The following BEND5 variants were observed in gnomAD, a reference collection of about 807,000 sequenced individuals.
BEND5 encodes the protein BEN domain-containing protein 5.
In BEND5, 22 loss-of-function variants were observed where a neutral mutation model predicts 43.9. The observed-to-expected ratio is 0.50, with a 90% CI of 0.36 to 0.72. The LOEUF (loss-of-function observed/expected upper bound fraction) is 0.72. BEND5 is among the 30% of genes least tolerant of loss of function. BEND5 has a pLI of 0.00. For synonymous variants in BEND5, 228 were observed against 225.9 expected (o/e 1.01, Z -0.08); for missense variants, 428 against 550.6 (o/e 0.78, Z 2.23).
chr1:48,737,736 G>GA (rs890335447), intron 4 of BEND5, among the ~76,000 whole-genome samples: 1 of 151,908 alleles, frequency 6.6e-6, no homozygotes, highest in Non-Finnish European at 1.5e-5. Flanking sequence ...ATCTAAAAAA[G>GA]AAAAAAGAGT....
chr1:48,752,907 G>T (rs1056957600), intron 3 of BEND5, among the ~76,000 whole-genome samples: 2 of 152,070 alleles, frequency 1.3e-5, no homozygotes, highest in African/African-American at 4.8e-5. Flanking sequence ...GCGCCCCCAT[G>T]CCCAGCTAAT....
intron 3 of BEND5, among the ~76,000 whole-genome samples, chr1:48,751,031 A>T (rs961340316): frequency 2.0e-5 from 3 of 152,192 alleles, no homozygotes; most frequent in Admixed American, 2.0e-4. Flanking sequence ...TTCATGATAT[A>T]GCATTCATGA....
Position 48,736,534 on chromosome 1 carries a change from G to T in BEND5, c.895-82C>A. 8.5e-7 allele frequency: 1 copy of T among 1,174,740 alleles called. No homozygotes were observed. The highest frequency in any genetic ancestry group is 1.3e-6 in the Non-Finnish European group (1 of 799,640). 72.8% of individuals were successfully genotyped at this position (1,174,740 alleles called of 1,614,324 possible). On this transcript the variant is annotated intron_variant, in intron 4 of 5. Coordinates refer to ENST00000371833, the MANE Select transcript of BEND5 (RefSeq NM_024603.4). This position sits in a 1 kb window ranked among gnomAD's most constrained non-coding sequence, Gnocchi z 4.0. ...CTTCTCTTGTCCTTTAAAAAGCATT[G>T]CTGCACAACTGTAAGAGATTCATGT...
intron 3 of BEND5, among the ~76,000 whole-genome samples, chr1:48,756,892 A>G (rs1215191353): frequency 6.6e-6 from 1 of 152,238 alleles, no homozygotes; most frequent in Non-Finnish European, 1.5e-5. Context: ...ATGGTGACTC[A>G]GATCAGGGAA....
chr1:48,775,485 A>T (rs1645033378), intron 1 of BEND5, among the ~76,000 whole-genome samples: 2 of 152,210 alleles, frequency 1.3e-5, no homozygotes, highest in Non-Finnish European at 2.9e-5. Context: ...TCAGTCACTA[A>T]CCCTTCGTGT....
chr1:48,776,074 TC>T (rs1367546754), intron 1 of BEND5, among the ~76,000 whole-genome samples: 1 of 152,106 alleles, frequency 6.6e-6, no homozygotes, highest in African/African-American at 2.4e-5. Flanking sequence ...GACAAGGATG[TC>T]ATAGCTTCCC....
chr1:48,766,226 A>G (rs1460810808), intron 1 of BEND5, among the ~76,000 whole-genome samples: 2 of 152,104 alleles, frequency 1.3e-5, no homozygotes, highest in African/African-American at 4.8e-5. Flanking sequence ...TTTTTTTCCA[A>G]AAAAGAAGAA....
rs376132991 is a variant in BEND5, at chr1:48,758,967, A to G, written c.678T>C (p.Ser226=). The G allele has an allele frequency of 3.1e-6, 5 of 1,606,638 alleles. No homozygotes were observed. The African/African-American group carries it at 6.7e-5, about 22-fold the overall frequency. The part of the protein sequence containing the change: ...KKLKEYGALV[S]EMKELRDLNR... ...TAAGGTCACGGAGCTCCTTCATTTC[A>G]GACACAAGTGCCCCGTACTCCTTGA... The change falls in exon 3 of 6, where the codon TCT becomes TCC. Residue 226 remains serine (S), a synonymous_variant. Coordinates refer to ENST00000371833, the MANE Select transcript of BEND5 (RefSeq NM_024603.4).
At chr1:48,770,145 A>C (rs1262779196) in intron 1 of BEND5, among the ~76,000 whole-genome samples, 4 of 152,052 alleles carry the variant, frequency 2.6e-5, no homozygotes, top group African/African-American at 9.7e-5. Flanking sequence ...TCTGACCCCA[A>C]CTCTGCTTTC....
At chr1:48,733,675 C>T (rs1270967349) in intron 5 of BEND5, among the ~76,000 whole-genome samples, 1 of 152,126 alleles carries the variant, frequency 6.6e-6, no homozygotes, top group African/African-American at 2.4e-5. Context: ...TGCTACAATC[C>T]TAGGCAGCCC....
In BEND5 at chr1:48,730,506, A is replaced by C. The variant is rs77104081; in HGVS notation, c.1109-2463T>G. On this transcript the variant is annotated intron_variant, in intron 5 of 5. Transcript: ENST00000371833. ...GCAGGTAAAGTGGCAAAGGAGACAG[A>C]AGGAGAAGGCAGGAGAGTGGGTGTG... Among the ~76,000 whole-genome samples, 1,161 of 152,262 alleles carry C rather than the reference A, an allele frequency of 7.6e-3. 16 individuals are homozygous for C. The highest frequency in any genetic ancestry group is 0.025 in the East Asian group (130 of 5,178).
At chr1:48,769,525 A>AG in intron 1 of BEND5, among the ~76,000 whole-genome samples, 1 of 119,832 alleles carries the variant, frequency 8.3e-6, no homozygotes, top group South Asian at 2.9e-4. Context: ...GGAGGATTTA[A>AG]AACACACACA....
chr1:48,763,718 C>T (rs1036518288), intron 1 of BEND5, among the ~76,000 whole-genome samples: 2 of 152,182 alleles, frequency 1.3e-5, no homozygotes, highest in South Asian at 2.1e-4. Flanking sequence ...AGCAATCGTT[C>T]GGACTCACAA....
intron 5 of BEND5, among the ~76,000 whole-genome samples, chr1:48,730,388 G>A (rs6661901): frequency 0.81 from 123,415 of 152,106 alleles, 50,356 homozygotes; most frequent in Middle Eastern, 0.93. Flanking sequence ...TCTGGGTCTC[G>A]GTTTCACTAT....
At position 48,748,794 on chromosome 1, in the gene BEND5, C is replaced by T. The variant is rs186252554; in HGVS notation, c.746-6023G>A. 2.4e-3 allele frequency among the ~76,000 whole-genome samples: 359 copies of T among 151,904 alleles called. 3 individuals carry two copies. Among genetic ancestry groups the T allele is most frequent in the Non-Finnish European group, 3.6e-3 (242 of 67,986 alleles). On this transcript the variant is annotated intron_variant, in intron 3 of 5. Transcript: ENST00000371833. ...TCTGACTGGGGCTTTGATGGATGCGCGACATCTTGGGGAGGTGGGGGAGTA... is the reference window on the plus strand; with the variant it reads ...TCTGACTGGGGCTTTGATGGATGCGTGACATCTTGGGGAGGTGGGGGAGTA...
At chr1:48,743,205 G>C (rs1419225493) in intron 3 of BEND5, among the ~76,000 whole-genome samples, 1 of 152,196 alleles carries the variant, frequency 6.6e-6, no homozygotes, top group Non-Finnish European at 1.5e-5. Flanking sequence ...GCTTAGGAAA[G>C]TGTGGGCAAA....
chr1:48,752,163 A>G (rs1283411211), intron 3 of BEND5, among the ~76,000 whole-genome samples: 3 of 152,184 alleles, frequency 2.0e-5, no homozygotes, highest in Admixed American at 2.0e-4. Context: ...CTAACTAGAC[A>G]AAATGGCTCT....
chr1:48,737,938 C>T (rs1430304696), intron 4 of BEND5, among the ~76,000 whole-genome samples: 1 of 152,136 alleles, frequency 6.6e-6, no homozygotes, highest in Non-Finnish European at 1.5e-5. Context: ...TGCCAAAGGT[C>T]CTTGTTTTCA....
intron 4 of BEND5, among the ~76,000 whole-genome samples, chr1:48,742,049 G>A (rs535833545): frequency 1.3e-5 from 2 of 152,280 alleles, no homozygotes; most frequent in African/African-American, 4.8e-5. Context: ...TATAAATAAC[G>A]CTGAGTAGTT....
Sources: gnomAD v4.1 joint callset for allele counts (sites outside exome capture counted in the v4.1 genomes callset) on GRCh38, gnomAD v4.1.1 for gene constraint, Gnocchi (gnomAD v3.1) non-coding constraint, MANE v1.5 for transcripts, NCBI Gene and HGNC (gene_info 2026-07-23, HGNC 2026-07-21) for gene names.